Variants in LETM1 observed in about 807,000 individuals in gnomAD.
The protein encoded by LETM1 is mitochondrial proton/calcium exchanger protein.
In LETM1, 50 loss-of-function variants were observed where a neutral mutation model predicts 74.5. The ratio of observed to expected loss-of-function variants is 0.67; its 90% CI spans 0.53 to 0.85. The LOEUF is 0.85. Among genes scored for constraint, LETM1 ranks in the 40% least tolerant of loss-of-function variants. The pLI, the probability that LETM1 is intolerant of heterozygous loss-of-function variation, is 0.00. For synonymous variants in LETM1, 446 were observed against 407.1 expected (o/e 1.10, Z -1.15); for missense variants, 824 against 967.8 (o/e 0.85, Z 1.97).
intron 2 of LETM1, chr4:1,846,733 C>T (rs891671804): frequency 2.0e-5 from 3 of 152,176 alleles, no homozygotes; most frequent in East Asian, 1.9e-4. Context: ...TGTGATACCG[C>T]ATGACTGACT....
chr4:1,845,357 G>C (rs1577325998), intron 2 of LETM1, among the ~76,000 whole-genome samples: 2 of 152,218 alleles, frequency 1.3e-5, no homozygotes. Flanking sequence ...TGTAATCCCA[G>C]CACTTTGGGA....
intron 11 of LETM1, among the ~76,000 whole-genome samples, chr4:1,818,562 G>A (rs1711659745): frequency 6.6e-6 from 1 of 151,664 alleles, no homozygotes; most frequent in African/African-American, 2.4e-5. Context: ...GCAGTGAGTC[G>A]AGATCACGCC....
At chr4:1,828,296 C>T (rs1577316067) in intron 6 of LETM1, among the ~76,000 whole-genome samples, 1 of 134,774 alleles carries the variant, frequency 7.4e-6, no homozygotes, top group South Asian at 2.4e-4. Context: ...CCACCTCCCT[C>T]CCGGACGGGG....
chr4:1,837,819 C>T (rs532488715), intron 3 of LETM1, among the ~76,000 whole-genome samples: 2 of 151,284 alleles, frequency 1.3e-5, no homozygotes, highest in South Asian at 2.1e-4. Flanking sequence ...TCTCCTGCCT[C>T]GGCCTCCAGA....
chr4:1,816,749 G>C lies in LETM1; in HGVS notation c.1909C>G (p.Pro637Ala). The C allele has an allele frequency of 6.2e-7, 1 of 1,614,102 alleles. No homozygotes were observed. ...EMDQQAGKLA[P>A]ANGMPTGENV... is the part of the protein sequence containing the mutation. ...CACCCCGTGGGCATGCCGTTGGCCG[G>C]GGCCAGCTTGCCAGCCTGCTGGTCC... The change falls in exon 12 of 14, where the codon CCG (proline) becomes GCG (alanine). Residue 637 changes from proline (P) to alanine (A), a missense_variant. Physicochemically the swap from Pro to Ala is conservative, Grantham distance 27 (BLOSUM62 -1). Around this residue, in one of 4 missense-constraint regions of LETM1, gnomAD observed 161 missense variants for 252.7 expected, o/e 0.64. Coordinates refer to ENST00000302787, the MANE Select transcript of LETM1 (RefSeq NM_012318.3).
intron 9 of LETM1, chr4:1,822,515 G>C (rs977662266): frequency 2.9e-5 from 13 of 449,074 alleles, no homozygotes; most frequent in African/African-American, 1.8e-4. Flanking sequence ...GAACAGGCTA[G>C]AGCACCTTAT....
At chr4:1,827,256 G>C (rs894267039) in intron 6 of LETM1, among the ~76,000 whole-genome samples, 10 of 147,162 alleles carry the variant, frequency 6.8e-5, no homozygotes, top group African/African-American at 2.5e-4. Flanking sequence ...GCTGGTTATA[G>C]ATCCTGGATT....
chr4:1,819,241 C>A, intron 11 of LETM1, 97 bp downstream of exon 11: 1 of 1,267,544 alleles, frequency 7.9e-7, no homozygotes, highest in South Asian at 1.5e-5. Flanking sequence ...GCCAGCTTAT[C>A]AAGTATCTGA....
intron 2 of LETM1, among the ~76,000 whole-genome samples, chr4:1,848,104 C>T (rs1363865486): frequency 6.6e-6 from 1 of 151,936 alleles, no homozygotes; most frequent in Non-Finnish European, 1.5e-5. Flanking sequence ...TATTCGTGGA[C>T]CTTAAAGTTG....
Position 1,832,934 on chromosome 4 carries a change from CCT to C in LETM1, c.888_889del (p.Arg299AlafsTer4), listed in dbSNP as rs775607436. Reference sequence around the variant, plus strand: ...GATTTCCTCATTGCTGGGCCTCTCCCCTGTTTCCCGGATCTGCGGAAGTGGTC... The same window carrying C: ...GATTTCCTCATTGCTGGGCCTCTCCCGTTTCCCGGATCTGCGGAAGTGGTC... On this transcript the variant is annotated frameshift_variant, in exon 6 of 14. Coordinates refer to ENST00000302787, the MANE Select transcript of LETM1 (RefSeq NM_012318.3). LOFTEE classifies it high-confidence loss of function. 1.6e-4 allele frequency: 264 copies of C among 1,612,106 alleles called. No homozygotes were observed. Among genetic ancestry groups the C allele is most frequent in the Middle Eastern group, 2.2e-4 (1 of 4,546 alleles).
chr4:1,843,992 C>A (rs1051898576), intron 2 of LETM1, among the ~76,000 whole-genome samples: 4 of 152,230 alleles, frequency 2.6e-5, no homozygotes, highest in African/African-American at 9.6e-5. Flanking sequence ...CTCCTCCCTG[C>A]ATCAAGCTGA....
Position 1,841,555 on chromosome 4 carries a change from T to C in LETM1, c.386A>G (p.Asp129Gly). Residue 129 changes from aspartate (D) to glycine (G), a missense_variant, in exon 3 of 14, where the codon GAC becomes GGC. Transcript: ENST00000302787. ...VVEKSLKSLK[D>G]KNKKLEEGGP... ...GCCTTCCTCCAGCTTCTTGTTCTTG[T>C]CCTTCAAGGACTTGAGGGACTTCTC... 3.1e-6 allele frequency: 5 copies of C among 1,614,224 alleles called. No individual in the cohort carries two copies. Among genetic ancestry groups the C allele is most frequent in the Non-Finnish European group, 4.2e-6 (5 of 1,180,044 alleles).
intron 3 of LETM1, among the ~76,000 whole-genome samples, chr4:1,839,753 G>A (rs77872434): frequency 1.0e-3 from 156 of 152,226 alleles, no homozygotes; most frequent in African/African-American, 3.3e-3. Context: ...AGAGGGTTCC[G>A]TCCTATTCCC....
intron 11 of LETM1, among the ~76,000 whole-genome samples, chr4:1,817,459 T>G (rs1458825873): frequency 1.4e-5 from 2 of 144,052 alleles, no homozygotes; most frequent in Admixed American, 6.9e-5. Flanking sequence ...TACCCAGGAG[T>G]CTGAGACAGG....
In LETM1 at chr4:1,841,482, C is replaced by A. The variant is rs1364749126; in HGVS notation, c.459G>T (p.Leu153=). Residue 153 remains leucine, a synonymous_variant, in exon 3 of 14, where the codon CTG becomes CTT. Transcript: ENST00000302787. ...TCAGCTCGTCCAGCACCCGCTGCCC[C>A]AGGGACTTCTTCACCACCACCTCTG... ...PPAEVVVKKS[L]GQRVLDELKH... 6.2e-6 allele frequency: 10 copies of A among 1,614,144 alleles called. No individual in the cohort carries two copies. The highest frequency in any genetic ancestry group is 7.6e-6 in the Non-Finnish European group (9 of 1,180,056).
intron 5 of LETM1, 150 bp from the exon 6 acceptor site, chr4:1,833,097 G>T: frequency 1.5e-6 from 1 of 661,784 alleles, no homozygotes; most frequent in Non-Finnish European, 2.6e-6. Context: ...TTTGAGACAG[G>T]GTCTCGCTCT....
intron 1 of LETM1, among the ~76,000 whole-genome samples, chr4:1,850,559 C>G (rs944164139): frequency 1.3e-5 from 2 of 148,296 alleles, no homozygotes; most frequent in African/African-American, 5.0e-5. Context: ...CCAGCACAGA[C>G]GTGAACCCGG....
chr4:1,824,213 T>C (rs1711900710), intron 7 of LETM1, among the ~76,000 whole-genome samples: 1 of 152,188 alleles, frequency 6.6e-6, no homozygotes, highest in South Asian at 2.1e-4. Flanking sequence ...CCCAGCTACT[T>C]GGGTGGCTGA....
At chr4:1,842,130 T>C (rs949011803) in intron 2 of LETM1, among the ~76,000 whole-genome samples, 1 of 152,108 alleles carries the variant, frequency 6.6e-6, no homozygotes, top group Non-Finnish European at 1.5e-5. Flanking sequence ...TCCCAGAGAC[T>C]TGGGGAGGTA....
Sources: allele counts gnomAD v4.1 joint callset (sites outside exome capture counted in the v4.1 genomes callset), GRCh38; gene constraint gnomAD v4.1.1; regional missense constraint gnomAD v4.1.1; transcripts MANE v1.5; gene names NCBI Gene and HGNC (gene_info 2026-07-23, HGNC 2026-07-21).